PPP3CC: variants seen among roughly 807,000 people sequenced by gnomAD.
PPP3CC encodes protein phosphatase 3 catalytic subunit gamma.
PPP3CC carries 35 observed loss-of-function variants against 60.3 expected under a neutral mutation model. That is an observed-to-expected ratio of 0.58 (90% CI 0.44 to 0.77). The LOEUF is 0.77. Among genes scored for constraint, PPP3CC ranks in the 30% least tolerant of loss-of-function variants. The pLI, the probability that PPP3CC is intolerant of heterozygous loss-of-function variation, is 0.00. For missense variants in PPP3CC, 570 were observed against 628.9 expected, an observed-to-expected ratio of 0.91 and a Z score of 1.00; for synonymous variants, 206 against 224.3, an observed-to-expected ratio of 0.92 and a Z score of 0.73.
chr8:22,510,371 A>G (rs1839051567), intron 4 of PPP3CC, among the ~76,000 whole-genome samples: 1 of 152,154 alleles, frequency 6.6e-6, no homozygotes, highest in South Asian at 2.1e-4. Context: ...AGACCTTAAA[A>G]ATTATGAGCA....
chr8:22,466,926 G>T (rs1017183421), intron 1 of PPP3CC, among the ~76,000 whole-genome samples: 11 of 152,022 alleles, frequency 7.2e-5, no homozygotes, highest in African/African-American at 2.4e-4. Context: ...AAAAAATTTT[G>T]TAGAGATGGG....
At chr8:22,501,061 T>C (rs957044704) in intron 4 of PPP3CC, among the ~76,000 whole-genome samples, 2 of 152,182 alleles carry the variant, frequency 1.3e-5, no homozygotes, top group Admixed American at 6.5e-5. Flanking sequence ...AGGAGGCTGA[T>C]TGAGGTGGGA....
chr8:22,507,466 A>G (rs1256636174), intron 4 of PPP3CC, among the ~76,000 whole-genome samples: 1 of 152,228 alleles, frequency 6.6e-6, no homozygotes, highest in Non-Finnish European at 1.5e-5. Flanking sequence ...AATCTTATTT[A>G]AAAATAATGA....
intron 1 of PPP3CC, among the ~76,000 whole-genome samples, chr8:22,449,397 G>A (rs1836935910): frequency 7.1e-6 from 1 of 141,312 alleles, no homozygotes; most frequent in Non-Finnish European, 1.5e-5. Context: ...GCAGGTTGCA[G>A]TGGGCCAAGA....
At chr8:22,459,684 A>C (rs1837311273) in intron 1 of PPP3CC, among the ~76,000 whole-genome samples, 1 of 152,144 alleles carries the variant, frequency 6.6e-6, no homozygotes. Flanking sequence ...GAAGTACAAG[A>C]GATTATTTAA....
chr8:22,495,403 A>G (rs934220437), intron 3 of PPP3CC, among the ~76,000 whole-genome samples: 1 of 152,082 alleles, frequency 6.6e-6, no homozygotes, highest in African/African-American at 2.4e-5. Context: ...ATATTTTACT[A>G]TTACACACAT....
intron 12 of PPP3CC, among the ~76,000 whole-genome samples, chr8:22,536,956 A>C (rs1198780470): frequency 2.0e-5 from 3 of 152,216 alleles, no homozygotes; most frequent in African/African-American, 7.2e-5. Flanking sequence ...AAAGGTAAAT[A>C]AAAATAAAGC....
intron 1 of PPP3CC, among the ~76,000 whole-genome samples, chr8:22,445,758 G>A (rs549260735): frequency 8.8e-4 from 134 of 152,252 alleles, no homozygotes; most frequent in African/African-American, 3.1e-3. Context: ...AATTTTCAAT[G>A]TGAATACGTT....
chr8:22,481,535 GT>G lies in PPP3CC; in HGVS notation c.372+5915del, dbSNP rs1838069284. ...GAAATTATCTTGATGAAATGTGGAA[GT>G]TTTGTGTTCTTTTTTTTTTTTTAAT... On this transcript the variant is annotated intron_variant, in intron 3 of 13. Transcript: ENST00000240139. 4.7e-5 allele frequency among the ~76,000 whole-genome samples: 7 copies of G among 150,388 alleles called. No individual in the cohort carries two copies. In the South Asian group the frequency reaches 1.3e-3, roughly 27 times the overall value.
chr8:22,500,255 A>C (rs940636923), intron 4 of PPP3CC, among the ~76,000 whole-genome samples: 2 of 152,152 alleles, frequency 1.3e-5, no homozygotes, highest in Non-Finnish European at 2.9e-5. Flanking sequence ...GACTTCTAAA[A>C]TTTTAGCATA....
At chr8:22,449,150 C>T (rs1836927995) in intron 1 of PPP3CC, among the ~76,000 whole-genome samples, 1 of 151,964 alleles carries the variant, frequency 6.6e-6, no homozygotes, top group East Asian at 1.9e-4. Flanking sequence ...AAAAAAAGTA[C>T]AATGAAGAAA....
intron 1 of PPP3CC, among the ~76,000 whole-genome samples, chr8:22,453,971 C>T (rs1380209805): frequency 6.6e-6 from 1 of 152,152 alleles, no homozygotes; most frequent in Non-Finnish European, 1.5e-5. Context: ...AGGCCTAGGG[C>T]ATTACTGTAG....
chr8:22,474,129 A>G (rs1837815193), intron 1 of PPP3CC, among the ~76,000 whole-genome samples: 1 of 151,822 alleles, frequency 6.6e-6, no homozygotes, highest in Non-Finnish European at 1.5e-5. Context: ...TCCTGACCTC[A>G]AGTGATCTGC....
intron 3 of PPP3CC, among the ~76,000 whole-genome samples, chr8:22,496,994 G>C (rs1838608186): frequency 6.6e-6 from 1 of 151,922 alleles, no homozygotes; most frequent in Non-Finnish European, 1.5e-5. Context: ...TCTCCACCGT[G>C]ATGTTCTGTT....
At chr8:22,475,245 T>A in intron 2 of PPP3CC, 94 bp downstream of exon 2, 2 of 1,223,386 alleles carry the variant, frequency 1.6e-6, no homozygotes, top group South Asian at 3.0e-5. Flanking sequence ...AAAAGTGGTG[T>A]GGTAATTTTT....
Position 22,521,971 on chromosome 8 carries a change from A to C in PPP3CC, c.771-520A>C, listed in dbSNP as rs973581625. Among the ~76,000 whole-genome samples, 3 of 132,754 alleles carry C rather than the reference A, an allele frequency of 2.3e-5. 1 individual carries two copies. Among genetic ancestry groups the C allele is most frequent in the African/African-American group, 8.2e-5 (3 of 36,388 alleles). 87.1% of individuals were successfully genotyped at this position (132,754 alleles called of 152,430 possible). The stretch of plus-strand genomic sequence containing the variant: ...AGAGCAAGACTCCGTCTCAAAAAAA[A>C]AAACAAACCTATATATATACATATA... On this transcript the variant is annotated intron_variant, in intron 6 of 13. Transcript: ENST00000240139.
intron 6 of PPP3CC, among the ~76,000 whole-genome samples, chr8:22,514,019 G>T (rs765137138): frequency 2.6e-5 from 4 of 152,152 alleles, no homozygotes; most frequent in Non-Finnish European, 5.9e-5. Flanking sequence ...GCCTAGGCGG[G>T]CGGATCACTT....
intron 1 of PPP3CC, among the ~76,000 whole-genome samples, chr8:22,457,593 C>T (rs190098571): frequency 2.0e-5 from 3 of 152,284 alleles, no homozygotes; most frequent in African/African-American, 7.2e-5. Context: ...CAGGCATGAG[C>T]CACTGCACCC....
intron 3 of PPP3CC, chr8:22,492,892 A>G: frequency 1.7e-6 from 2 of 1,158,014 alleles, no homozygotes; most frequent in Non-Finnish European, 2.6e-6. Context: ...GCTGAGACAA[A>G]GCAGCTGATG....
Sources: gnomAD v4.1 joint callset for allele counts (sites outside exome capture counted in the v4.1 genomes callset) on GRCh38, gnomAD v4.1.1 for gene constraint, MANE v1.5 for transcripts, NCBI Gene and HGNC (gene_info 2026-07-23, HGNC 2026-07-21) for gene names.